Variants in CNGB3 observed in about 807,000 individuals in gnomAD.
CNGB3 encodes cyclic nucleotide gated channel subunit beta 3.
A neutral mutation model predicts 92.8 loss-of-function variants in CNGB3; 86 were observed. That is an observed-to-expected ratio of 0.93 (90% CI 0.78 to 1.11). The LOEUF (loss-of-function observed/expected upper bound fraction) is 1.11, where lower values mean the gene tolerates loss of function less well. CNGB3 is among the 50% of genes least tolerant of loss of function. The pLI is 0.00. For synonymous variants in CNGB3, 333 were observed against 332.7 expected (o/e 1.00, Z -0.01); for missense variants, 1,026 against 956.8 (o/e 1.07, Z -0.95).
At chr8:86,643,163 T>G (rs1823224438) in intron 10 of CNGB3, among the ~76,000 whole-genome samples, 1 of 151,370 alleles carries the variant, frequency 6.6e-6, no homozygotes, top group African/African-American at 2.4e-5. Context: ...TCTATTATTC[T>G]CTATCTTCTT....
intron 2 of CNGB3, among the ~76,000 whole-genome samples, chr8:86,732,778 T>C (rs1825178450): frequency 6.6e-6 from 1 of 152,230 alleles, no homozygotes; most frequent in South Asian, 2.1e-4. Flanking sequence ...CTCAATTCTT[T>C]TGTTTATCAT....
chr8:86,626,886 G>A (rs181347361), intron 12 of CNGB3, among the ~76,000 whole-genome samples: 4 of 151,488 alleles, frequency 2.6e-5, no homozygotes, highest in Admixed American at 2.6e-4. Flanking sequence ...TGGGGTACAT[G>A]TGCAAGTTTG....
chr8:86,660,321 A>C, intron 6 of CNGB3: 1 of 353,276 alleles, frequency 2.8e-6, no homozygotes, highest in Non-Finnish European at 5.6e-6. Flanking sequence ...GGTTGGGGCC[A>C]TATCAGCACG....
chr8:86,741,745 G>A (rs1825346107), intron 1 of CNGB3, among the ~76,000 whole-genome samples: 1 of 152,110 alleles, frequency 6.6e-6, no homozygotes, highest in Non-Finnish European at 1.5e-5. Flanking sequence ...CTGTTGGAAT[G>A]GCATGGGATA....
rs373679269 is a variant in CNGB3 at position 86,626,063 on chromosome 8, T to C, written c.1498A>G (p.Lys500Glu). The C allele has an allele frequency of 8.1e-6, 13 of 1,612,842 alleles. No homozygotes were observed. The highest frequency in any genetic ancestry group is 1.1e-5 in the Non-Finnish European group (13 of 1,179,132). Reference protein sequence around the residue: ...QRMLDESDLLKTLPTTVQLAL... With the variant: ...QRMLDESDLLETLPTTVQLAL... The stretch of plus-strand genomic sequence containing the variant: ...AACTGGACCGTAGTTGGTAGGGTCT[T>C]AAGCAAATCAGACTCATCTTTATAA... Residue 500 changes from lysine to glutamate, a missense_variant, in exon 13 of 18, where the codon AAG becomes GAG. Physicochemically the swap from Lys to Glu is moderately conservative, Grantham distance 56. Transcript: ENST00000320005.
chr8:86,735,746 C>T (rs1473558165), intron 2 of CNGB3, among the ~76,000 whole-genome samples: 1 of 152,150 alleles, frequency 6.6e-6, no homozygotes, highest in Non-Finnish European at 1.5e-5. Flanking sequence ...GATAATCTTC[C>T]TATTGCAAGA....
chr8:86,726,681 A>G (rs866720996), intron 2 of CNGB3, 24 bp from the exon 3 acceptor site: 2 of 1,612,994 alleles, frequency 1.2e-6, no homozygotes, highest in Non-Finnish European at 1.7e-6. Context: ...ATTCACATAG[A>G]TAGAAGAATG....
At chr8:86,648,537 T>C (rs1228705877) in intron 7 of CNGB3, among the ~76,000 whole-genome samples, 1 of 151,184 alleles carries the variant, frequency 6.6e-6, no homozygotes, top group East Asian at 1.9e-4. Context: ...GCTAAGAAAT[T>C]TTCAAAAATT....
chr8:86,669,429 T>G (rs1823813793), intron 4 of CNGB3, among the ~76,000 whole-genome samples: 1 of 152,198 alleles, frequency 6.6e-6, no homozygotes, highest in Non-Finnish European at 1.5e-5. Context: ...CACAAAGGTG[T>G]TACAAATAGA....
intron 3 of CNGB3, among the ~76,000 whole-genome samples, chr8:86,712,689 G>T (rs1479882854): frequency 6.6e-6 from 1 of 150,948 alleles, no homozygotes; most frequent in African/African-American, 2.4e-5. Context: ...GTTTAAATAG[G>T]TTATAATATC....
intron 2 of CNGB3, among the ~76,000 whole-genome samples, chr8:86,737,282 A>T (rs1404190966): frequency 6.6e-6 from 1 of 152,192 alleles, no homozygotes. Context: ...GTAGATTGTA[A>T]AAAGTATAAA....
At chr8:86,659,387 C>T in intron 6 of CNGB3, 2 of 789,842 alleles carry the variant, frequency 2.5e-6, no homozygotes, top group Admixed American at 3.6e-5. Flanking sequence ...ACTATTGAAG[C>T]AGGAGCTTGG....
intron 3 of CNGB3, among the ~76,000 whole-genome samples, chr8:86,680,502 A>C (rs1449647659): frequency 6.6e-6 from 1 of 152,218 alleles, no homozygotes; most frequent in Non-Finnish European, 1.5e-5. Flanking sequence ...GGGTGATTCC[A>C]CACCAATTGC....
At chr8:86,657,844 A>T in intron 6 of CNGB3, 1 of 527,164 alleles carries the variant, frequency 1.9e-6, no homozygotes, top group Non-Finnish European at 3.8e-6. Context: ...ACTGACCTCT[A>T]GCTCTGGTAC....
intron 3 of CNGB3, among the ~76,000 whole-genome samples, chr8:86,718,326 A>G (rs1332454223): frequency 6.6e-6 from 1 of 152,162 alleles, no homozygotes; most frequent in Non-Finnish European, 1.5e-5. Context: ...TTAGAAATAA[A>G]ACAGGAGATA....
intron 3 of CNGB3, among the ~76,000 whole-genome samples, chr8:86,675,928 G>A (rs1164370187): frequency 6.6e-6 from 1 of 152,188 alleles, no homozygotes; most frequent in Non-Finnish European, 1.5e-5. Context: ...TTACCCTCTA[G>A]GGCAATGCTA....
chr8:86,616,024 G>T (rs1483331145), intron 13 of CNGB3, among the ~76,000 whole-genome samples: 2 of 152,132 alleles, frequency 1.3e-5, no homozygotes. Context: ...AAGGAAGTCG[G>T]ATCAATGGGA....
intron 3 of CNGB3, among the ~76,000 whole-genome samples, chr8:86,694,647 C>A (rs1423555516): frequency 4.6e-5 from 7 of 150,734 alleles, no homozygotes; most frequent in Non-Finnish European, 8.9e-5. Flanking sequence ...AGAGGCACTC[C>A]TCACATCCCA....
chr8:86,665,892 T>C (rs1036235119), intron 6 of CNGB3, among the ~76,000 whole-genome samples: 2 of 151,972 alleles, frequency 1.3e-5, no homozygotes, highest in African/African-American at 4.8e-5. Context: ...GAATATAAAA[T>C]AAAAATTGGG....
Sources: gnomAD v4.1 joint callset for allele counts (sites outside exome capture counted in the v4.1 genomes callset) on GRCh38, gnomAD v4.1.1 for gene constraint, MANE v1.5 for transcripts, NCBI Gene and HGNC (gene_info 2026-07-23, HGNC 2026-07-21) for gene names.